The following SLC12A7 variants were observed in gnomAD, a reference collection of about 807,000 sequenced individuals.
The protein encoded by SLC12A7 is solute carrier family 12 member 7.
Under a neutral mutation model 120.6 loss-of-function variants are expected in SLC12A7, and 100 were observed. That is an observed-to-expected ratio of 0.83 (90% CI 0.71 to 0.98). SLC12A7 has a LOEUF of 0.98. SLC12A7 is among the 50% of genes least tolerant of loss of function. The probability of loss-of-function intolerance (pLI) is 0.00; values close to 1 mark genes in which losing one functional copy is unlikely to be tolerated. For synonymous variants in SLC12A7, 760 were observed against 678.0 expected, an observed-to-expected ratio of 1.12 and a Z score of -1.88; for missense variants, 1,373 against 1,548.1, an observed-to-expected ratio of 0.89 and a Z score of 1.90.
intron 3 of SLC12A7, among the ~76,000 whole-genome samples, chr5:1,089,536 C>T (rs922959232): frequency 1.1e-4 from 17 of 150,092 alleles, no homozygotes; most frequent in Non-Finnish European, 2.5e-4. Context: ...GAAGCAGAGC[C>T]AGCGGAGGGA....
intron 1 of SLC12A7, among the ~76,000 whole-genome samples, chr5:1,100,099 C>T (rs932233200): frequency 1.3e-5 from 2 of 152,184 alleles, no homozygotes; most frequent in African/African-American, 2.4e-5. Context: ...CCACACGCCT[C>T]GGAAGAGAAG....
At position 1,073,575 on chromosome 5, in the gene SLC12A7, G is replaced by A. The variant is rs575639069; in HGVS notation, c.2241+58C>T. On this transcript the variant is annotated intron_variant, in intron 17 of 23. Coordinates refer to ENST00000264930, the MANE Select transcript of SLC12A7 (RefSeq NM_006598.3). ...CTGCGATGAGGACATGCCAGGGCACGTTTCCTGTGCAGCTGGGGTGGGAAA... is the reference window on the plus strand; with the variant it reads ...CTGCGATGAGGACATGCCAGGGCACATTTCCTGTGCAGCTGGGGTGGGAAA... The A allele has an allele frequency of 2.0e-5, 31 of 1,535,518 alleles. No individual in the cohort carries two copies. The African/African-American group carries it at 2.5e-4, about 13-fold the overall frequency.
chr5:1,062,676 GGGGGCTGGGGGGCTGGGGGACTGA>G (rs1437504669), intron 20 of SLC12A7, among the ~76,000 whole-genome samples: 1 of 67,452 alleles, frequency 1.5e-5, no homozygotes, highest in Non-Finnish European at 4.7e-5. Context: ...CCCAGGGCTG[GGGGGCTGGGGGGCTGGGGGACTGA>G]GGGACTGGGG....
the SLC12A7 span, among the ~76,000 whole-genome samples, chr5:1,124,659 A>G: frequency 1.1e-4 from 16 of 152,068 alleles, no homozygotes; most frequent in African/African-American, 3.9e-4. Context: ...AGCACAGGGG[A>G]GGGAGGCCCT....
intron 1 of SLC12A7, among the ~76,000 whole-genome samples, chr5:1,097,217 G>A (rs181789123): frequency 3.6e-4 from 55 of 152,248 alleles, no homozygotes; most frequent in Admixed American, 2.6e-3. Context: ...GAACTCCTAC[G>A]AACTGTACAA....
At chr5:1,075,889 A>T (rs572706052) in intron 14 of SLC12A7, 2 of 533,682 alleles carry the variant, frequency 3.7e-6, no homozygotes, top group African/African-American at 3.8e-5. Context: ...ACATGCAGAC[A>T]CCTGGGCATC....
the SLC12A7 span, among the ~76,000 whole-genome samples, chr5:1,123,921 A>C: frequency 3.8e-4 from 58 of 152,094 alleles, no homozygotes; most frequent in Admixed American, 5.2e-4. Context: ...CCTCATTGAA[A>C]CCTTAAATAT....
intron 9 of SLC12A7, 85 bp from the exon 10 acceptor site, chr5:1,079,581 C>T (rs1329527488): frequency 1.4e-5 from 17 of 1,183,618 alleles, no homozygotes; most frequent in East Asian, 4.7e-5. Flanking sequence ...GCTGGAAAGG[C>T]GGTCTCTGGG....
intron 3 of SLC12A7, among the ~76,000 whole-genome samples, chr5:1,093,331 C>T (rs902222041): frequency 6.6e-6 from 1 of 152,172 alleles, no homozygotes; most frequent in Non-Finnish European, 1.5e-5. Context: ...CACGCTTCCC[C>T]GGACGGTGGA....
the SLC12A7 span, among the ~76,000 whole-genome samples, chr5:1,121,482 G>A: frequency 6.6e-6 from 1 of 152,230 alleles, no homozygotes; most frequent in African/African-American, 2.4e-5. Context: ...CTCTCCGGTG[G>A]AATGCTGCTG....
intron 9 of SLC12A7, 124 bp from the exon 10 acceptor site, chr5:1,079,620 G>A: frequency 1.3e-6 from 1 of 772,850 alleles, no homozygotes; most frequent in South Asian, 1.6e-5. Flanking sequence ...TGCAGCCGAG[G>A]CTGCAGTCCA....
chr5:1,154,354 A>AAC, the SLC12A7 span, among the ~76,000 whole-genome samples: 38,562 of 141,416 alleles, frequency 0.27, 5,269 homozygotes, highest in Non-Finnish European at 0.32. Flanking sequence ...TGGTGTCCGC[A>AAC]ACACACACAC....
At chr5:1,145,722 C>T in the SLC12A7 span, among the ~76,000 whole-genome samples, 1 of 152,110 alleles carries the variant, frequency 6.6e-6, no homozygotes, top group Non-Finnish European at 1.5e-5. The surrounding 1 kb of genome is among the most constrained non-coding windows in gnomAD (Gnocchi z 4.4). Context: ...AAACTGGCCT[C>T]CTCTCAGAAA....
At chr5:1,141,436 A>T in the SLC12A7 span, among the ~76,000 whole-genome samples, 1 of 150,646 alleles carries the variant, frequency 6.6e-6, no homozygotes, top group Non-Finnish European at 1.5e-5. Flanking sequence ...CCCTGCTGCC[A>T]CGGGCACCAC....
intron 9 of SLC12A7, among the ~76,000 whole-genome samples, chr5:1,080,996 ACAGAGAGAGAGACAGACAGAC>A (rs1328224973): frequency 8.2e-5 from 10 of 121,490 alleles, no homozygotes; most frequent in Non-Finnish European, 1.7e-4. Flanking sequence ...AGAGAGAGAG[ACAGAGAGAGAGACAGACAGAC>A]AGACAGAGAG....
At chr5:1,064,717 G>A (rs555734731) in intron 18 of SLC12A7, among the ~76,000 whole-genome samples, 17 of 150,778 alleles carry the variant, frequency 1.1e-4, no homozygotes, top group Admixed American at 4.6e-4. Flanking sequence ...AGGGGACAGC[G>A]AGGAGACGGT....
the SLC12A7 span, among the ~76,000 whole-genome samples, chr5:1,119,155 C>G: frequency 6.6e-6 from 1 of 152,234 alleles, no homozygotes; most frequent in Non-Finnish European, 1.5e-5. Context: ...CGCTGGAAGG[C>G]TGAGTTCTGC....
rs1304211313 is a variant in SLC12A7 at position 1,061,031 on chromosome 5, G to A, written c.2740-580C>T. Among the ~76,000 whole-genome samples the A allele has an allele frequency of 2.8e-4, 40 of 144,514 alleles. 1 individual carries two copies. The highest frequency in any genetic ancestry group is 9.2e-4 in the African/African-American group (34 of 37,040). 94.8% of individuals were successfully genotyped at this position (144,514 alleles called of 152,430 possible). ...TCCCTGAGTCTCACCCGCCGCACCC[G>A]CCGTGCGGGATCCCTGAGTCTCACC... is the stretch of plus-strand genomic sequence containing the variant. On this transcript the variant is annotated intron_variant, in intron 20 of 23. Transcript: ENST00000264930.
In SLC12A7 at chr5:1,073,456, C is replaced by A. The variant is rs577478424; in HGVS notation, c.2241+177G>T. ...ACCTCCCAAGCTTCCCGGGGTGCGG[C>A]TGGTGCTCCCAGGCCTTAGCGCGCT... On this transcript the variant is annotated intron_variant, in intron 17 of 23. Transcript: ENST00000264930. Among the ~76,000 whole-genome samples the A allele has an allele frequency of 1.9e-3, 293 of 152,360 alleles. 1 individual carries two copies. Among genetic ancestry groups the A allele is most frequent in the African/African-American group, 6.9e-3 (285 of 41,598 alleles).
Sources: gnomAD v4.1 joint callset for allele counts (sites outside exome capture counted in the v4.1 genomes callset) on GRCh38, gnomAD v4.1.1 for gene constraint, Gnocchi (gnomAD v3.1) non-coding constraint, MANE v1.5 for transcripts, NCBI Gene and HGNC (gene_info 2026-07-23, HGNC 2026-07-21) for gene names.